The following RANBP2 variants were observed in gnomAD, a reference collection of about 807,000 sequenced individuals.
The protein encoded by RANBP2 is E3 SUMO-protein ligase RanBP2.
RANBP2 carries 57 observed loss-of-function variants against 303.6 expected under a neutral mutation model. The ratio of observed to expected loss-of-function variants is 0.19; its 90% CI spans 0.15 to 0.23. The LOEUF (loss-of-function observed/expected upper bound fraction) is 0.23. Ranked by LOEUF, RANBP2 falls within the 10% of genes least tolerant of loss-of-function variation. The pLI, the probability that RANBP2 is intolerant of heterozygous loss-of-function variation, is 1.00. For synonymous variants in RANBP2, 1,167 were observed against 1,301.5 expected, an observed-to-expected ratio of 0.90 and a Z score of 2.23; for missense variants, 3,138 against 3,780.8, an observed-to-expected ratio of 0.83 and a Z score of 4.46.
the RANBP2 span, among the ~76,000 whole-genome samples, chr2:108,942,510 C>G: frequency 1.3e-5 from 2 of 152,264 alleles, no homozygotes; most frequent in Non-Finnish European, 2.9e-5. Flanking sequence ...AGGTGAACCA[C>G]GATGAACCAC....
chr2:109,270,585 C>T, the RANBP2 span, among the ~76,000 whole-genome samples: 5 of 152,156 alleles, frequency 3.3e-5, no homozygotes, highest in African/African-American at 4.8e-5. Context: ...CAGGTCAAAG[C>T]GGACTTCATC....
At chr2:108,917,027 C>T in the RANBP2 span, among the ~76,000 whole-genome samples, 14 of 152,290 alleles carry the variant, frequency 9.2e-5, no homozygotes, top group East Asian at 3.9e-4. Flanking sequence ...GCTCGGAGCT[C>T]GGCAATAAGG....
At chr2:108,953,047 TA>T in the RANBP2 span, among the ~76,000 whole-genome samples, 1,191 of 152,252 alleles carry the variant, frequency 7.8e-3, 9 homozygotes, top group South Asian at 0.029. Flanking sequence ...GTACATGAGA[TA>T]TTTTGATATA....
the RANBP2 span, among the ~76,000 whole-genome samples, chr2:108,820,369 G>A: frequency 7.2e-5 from 11 of 152,180 alleles, no homozygotes; most frequent in Non-Finnish European, 1.2e-4. Context: ...TGTAATGTAA[G>A]TCTTGGAATG....
At chr2:109,351,316 C>G in the RANBP2 span, among the ~76,000 whole-genome samples, 156 of 152,328 alleles carry the variant, frequency 1.0e-3, no homozygotes, top group Non-Finnish European at 1.7e-3. Context: ...GACACATAAC[C>G]TTTCTGGGCC....
the RANBP2 span, chr2:108,895,426 C>T: frequency 1.3e-5 from 2 of 152,618 alleles, no homozygotes; most frequent in Admixed American, 6.5e-5. Context: ...GGCTCCTGAG[C>T]TCTTGGCAGT....
At chr2:109,667,227 G>A in the RANBP2 span, 1 of 998,578 alleles carries the variant, frequency 1.0e-6, no homozygotes, top group Admixed American at 1.8e-5. Context: ...CAAGACCCAA[G>A]CAAACGCAGG....
the RANBP2 span, among the ~76,000 whole-genome samples, chr2:109,348,999 G>A: frequency 0.21 from 31,405 of 152,112 alleles, 3,696 homozygotes; most frequent in African/African-American, 0.33. Context: ...TGTCTTGCCT[G>A]TGTCTCTCTG....
downstream of RANBP2, chr2:108,788,873 G>C (rs542186183): frequency 6.2e-7 from 1 of 1,613,816 alleles, no homozygotes; most frequent in Non-Finnish European, 8.5e-7. Flanking sequence ...ATCTACTCTG[G>C]AGATAAAGTT....
chr2:109,398,893 G>A, the RANBP2 span: 53 of 1,613,490 alleles, frequency 3.3e-5, no homozygotes, highest in Non-Finnish European at 4.2e-5. Context: ...TCCCCGAGCC[G>A]CGGCCAGGAT....
the RANBP2 span, among the ~76,000 whole-genome samples, chr2:108,976,001 A>T: frequency 6.6e-6 from 1 of 152,188 alleles, no homozygotes; most frequent in East Asian, 1.9e-4. Flanking sequence ...ACCCCACACC[A>T]GTTTTCCTTT....
the RANBP2 span, among the ~76,000 whole-genome samples, chr2:109,026,805 G>A: frequency 1.4e-4 from 21 of 152,176 alleles, no homozygotes; most frequent in African/African-American, 4.3e-4. Flanking sequence ...AGTGGCTCAC[G>A]CCTGTAATCC....
At chr2:109,124,556 C>T in the RANBP2 span, 1 of 152,312 alleles carries the variant, frequency 6.6e-6, no homozygotes, top group African/African-American at 2.4e-5. Context: ...GGTGATCCGC[C>T]CGTCTCGGCC....
At chr2:109,410,862 A>T in the RANBP2 span, among the ~76,000 whole-genome samples, 2 of 152,042 alleles carry the variant, frequency 1.3e-5, no homozygotes, top group East Asian at 3.9e-4. Context: ...TTTCCATTGG[A>T]TGATCTTGGA....
the RANBP2 span, among the ~76,000 whole-genome samples, chr2:108,855,061 C>T: frequency 6.6e-6 from 1 of 151,942 alleles, no homozygotes; most frequent in African/African-American, 2.4e-5. Context: ...AATAATATAG[C>T]ATTTATAAAA....
the RANBP2 span, among the ~76,000 whole-genome samples, chr2:109,411,388 C>T: frequency 1.3e-5 from 2 of 152,230 alleles, no homozygotes; most frequent in Non-Finnish European, 2.9e-5. Context: ...CCTCAGCAGG[C>T]CTCGTGTTCT....
chr2:109,606,199 A>C, the RANBP2 span, among the ~76,000 whole-genome samples: 1 of 152,132 alleles, frequency 6.6e-6, no homozygotes, highest in Non-Finnish European at 1.5e-5. Flanking sequence ...GGAGGATTAC[A>C]AAGTCAAGAG....
chr2:109,240,485 C>A, the RANBP2 span, among the ~76,000 whole-genome samples: 1 of 152,108 alleles, frequency 6.6e-6, no homozygotes, highest in Non-Finnish European at 1.5e-5. Context: ...AAAAAACAAA[C>A]AAACAAAATA....
the RANBP2 span, chr2:109,613,347 A>G: frequency 5.5e-6 from 2 of 360,612 alleles, no homozygotes; most frequent in South Asian, 4.9e-5. Context: ...ACCATCGGAT[A>G]AAACGGGAGA....
Sources: allele counts gnomAD v4.1 joint callset (sites outside exome capture counted in the v4.1 genomes callset), GRCh38; gene constraint gnomAD v4.1.1; transcripts MANE v1.5; gene names NCBI Gene and HGNC (gene_info 2026-07-23, HGNC 2026-07-21).